WWOX: variants seen among roughly 807,000 people sequenced by gnomAD.
The protein encoded by WWOX is WW domain containing oxidoreductase.
Under a neutral mutation model 46.2 loss-of-function variants are expected in WWOX, and 69 were observed. That is an observed-to-expected ratio of 1.49 (90% confidence interval 1.23 to 1.82). The LOEUF (loss-of-function observed/expected upper bound fraction) is 1.82, where lower values mean the gene tolerates loss of function less well. Ranked by LOEUF, WWOX falls within the 40% of genes most tolerant of loss-of-function variation. The probability of loss-of-function intolerance (pLI) is 0.00; values close to 1 mark genes in which losing one functional copy is unlikely to be tolerated. For synonymous variants in WWOX, 359 were observed against 202.6 expected, an observed-to-expected ratio of 1.77 and a Z score of -6.56; for missense variants, 919 against 542.6, an observed-to-expected ratio of 1.69 and a Z score of -6.89.
chr16:78,635,959 G>A (rs957462418), intron 8 of WWOX, among the ~76,000 whole-genome samples: 2 of 152,170 alleles, frequency 1.3e-5, no homozygotes, highest in Non-Finnish European at 2.9e-5. Flanking sequence ...TACAGAGGAA[G>A]CCTTGGCCTA....
intron 5 of WWOX, among the ~76,000 whole-genome samples, chr16:78,184,225 C>A (rs895850665): frequency 6.6e-6 from 1 of 151,826 alleles, no homozygotes; most frequent in Non-Finnish European, 1.5e-5. Flanking sequence ...TTCAGTGGCA[C>A]TTCAGCCAGA....
intron 8 of WWOX, among the ~76,000 whole-genome samples, chr16:78,674,241 G>T (rs1256919252): frequency 1.3e-5 from 2 of 151,204 alleles, no homozygotes; most frequent in Non-Finnish European, 2.9e-5. Context: ...GAGATGTGGG[G>T]AAGCACTCCC....
chr16:78,420,577 A>C (rs555770129), intron 6 of WWOX, among the ~76,000 whole-genome samples: 1 of 148,754 alleles, frequency 6.7e-6, no homozygotes, highest in South Asian at 2.1e-4. Context: ...AGGCGAATCT[A>C]TAGGACAGAA....
chr16:78,840,905 G>T, intron 8 of WWOX, among the ~76,000 whole-genome samples: 1 of 152,050 alleles, frequency 6.6e-6, no homozygotes, highest in East Asian at 1.9e-4. Flanking sequence ...CAAACATCTA[G>T]ACGTAGTTCT....
At chr16:78,172,754 G>A (rs2035204749) in intron 5 of WWOX, among the ~76,000 whole-genome samples, 1 of 152,126 alleles carries the variant, frequency 6.6e-6, no homozygotes, top group Non-Finnish European at 1.5e-5. Flanking sequence ...TCCCAATAAT[G>A]TGAAACCCAA....
intron 5 of WWOX, among the ~76,000 whole-genome samples, chr16:78,339,740 T>A (rs2151898746): frequency 8.5e-6 from 1 of 118,214 alleles, no homozygotes; most frequent in East Asian, 1.9e-4. Context: ...AGTTTTAAAT[T>A]CTATTTTGTG....
At chr16:78,797,358 TAAAAAAAAA>T (rs57291441) in intron 8 of WWOX, among the ~76,000 whole-genome samples, 3 of 116,640 alleles carry the variant, frequency 2.6e-5, no homozygotes, top group Admixed American at 9.4e-5. Flanking sequence ...GTCAAAGTGG[TAAAAAAAAA>T]AAAAAAAAAA....
chr16:79,046,017 G>C (rs1031370763), intron 8 of WWOX, among the ~76,000 whole-genome samples: 5 of 151,880 alleles, frequency 3.3e-5, no homozygotes, highest in African/African-American at 4.8e-5. Context: ...GGCCAGGCTG[G>C]CCTCGAGCTC....
intron 8 of WWOX, among the ~76,000 whole-genome samples, chr16:78,481,868 G>T (rs1372685505): frequency 6.6e-6 from 1 of 151,920 alleles, no homozygotes. Context: ...TCTTCTTGGG[G>T]CTGGAGCTTT....
At chr16:78,631,042 G>T (rs2151658864) in intron 8 of WWOX, among the ~76,000 whole-genome samples, 1 of 152,142 alleles carries the variant, frequency 6.6e-6, no homozygotes, top group East Asian at 1.9e-4. Flanking sequence ...TGTTTATATT[G>T]TATTAGGTAT....
In WWOX at chr16:78,327,869, A is replaced by ATT. The variant is rs762650030; in HGVS notation, c.517-58965_517-58964dup. Among the ~76,000 whole-genome samples, 189 of 81,090 alleles carry ATT rather than the reference A, an allele frequency of 2.3e-3. 7 individuals are homozygous for ATT. The highest frequency in any genetic ancestry group is 3.6e-3 in the African/African-American group (68 of 18,710). 53.2% of individuals were successfully genotyped at this position (81,090 alleles called of 152,430 possible). On this transcript the variant is annotated intron_variant, in intron 5 of 8. Transcript: ENST00000566780. ...AATGAGCTAGCCTGAATGAGTCCTG[A>ATT]TTTTTTTTTTTTTTTTTTTTTTTTT... is the stretch of plus-strand genomic sequence containing the variant.
chr16:78,937,438 T>C (rs1455412461), intron 8 of WWOX, among the ~76,000 whole-genome samples: 1 of 148,200 alleles, frequency 6.7e-6, no homozygotes, highest in Admixed American at 6.8e-5. Flanking sequence ...GAACTTTGTA[T>C]TTGTATTAAC....
chr16:78,184,023 C>G (rs898078598), intron 5 of WWOX, among the ~76,000 whole-genome samples: 4 of 152,116 alleles, frequency 2.6e-5, no homozygotes, highest in Non-Finnish European at 5.9e-5. Flanking sequence ...AATTGCAGCT[C>G]CAATATAAAA....
At chr16:78,592,573 C>T (rs923643598) in intron 8 of WWOX, among the ~76,000 whole-genome samples, 1 of 152,140 alleles carries the variant, frequency 6.6e-6, no homozygotes, top group African/African-American at 2.4e-5. Flanking sequence ...GAGGAAGAAG[C>T]CTCAGTGGGG....
At chr16:78,940,091 C>T (rs569587674) in intron 8 of WWOX, among the ~76,000 whole-genome samples, 1 of 152,240 alleles carries the variant, frequency 6.6e-6, no homozygotes, top group Non-Finnish European at 1.5e-5. Flanking sequence ...TTGAGGTGGT[C>T]ATCATTTTAT....
intron 5 of WWOX, among the ~76,000 whole-genome samples, chr16:78,220,655 A>T (rs2036858176): frequency 6.6e-6 from 1 of 152,214 alleles, no homozygotes; most frequent in South Asian, 2.1e-4. Context: ...GTGTAAGACA[A>T]AAAGTTTAGG....
At chr16:78,833,422 T>TCTCCTCCTCCTCCTC (rs56086314) in intron 8 of WWOX, among the ~76,000 whole-genome samples, 1 of 150,268 alleles carries the variant, frequency 6.7e-6, no homozygotes, top group Admixed American at 6.6e-5. Flanking sequence ...GGCCCAGCCA[T>TCTCCTCCTCCTCCTC]CTCCTCCTCC....
chr16:78,356,977 C>G (rs1278390236), intron 5 of WWOX, among the ~76,000 whole-genome samples: 1 of 152,156 alleles, frequency 6.6e-6, no homozygotes, highest in Non-Finnish European at 1.5e-5. Flanking sequence ...TGATGCCTAC[C>G]TTTTTATGGC....
Position 78,866,592 on chromosome 16 carries a change from C to CAGGGCCACCA in WWOX, c.1057-345012_1057-345003dup, listed in dbSNP as rs531229960. On this transcript the variant is annotated intron_variant, in intron 8 of 8. Transcript: ENST00000566780. ...AGGGGAACAAAATCACTTAAGTGTT[C>CAGGGCCACCA]AGGGCCACCAAGGCACTGGTGCATC... Among the ~76,000 whole-genome samples, 66 of 152,302 alleles carry CAGGGCCACCA rather than the reference C, an allele frequency of 4.3e-4. No homozygotes were observed. In the South Asian group the frequency reaches 0.013, roughly 29 times the overall value.
Sources: gnomAD v4.1 joint callset for allele counts (sites outside exome capture counted in the v4.1 genomes callset) on GRCh38, gnomAD v4.1.1 for gene constraint, MANE v1.5 for transcripts, NCBI Gene and HGNC (gene_info 2026-07-23, HGNC 2026-07-21) for gene names.